Variants in SLC2A9 observed in about 807,000 individuals in gnomAD.
SLC2A9 encodes the protein solute carrier family 2 member 9.
SLC2A9 carries 39 observed loss-of-function variants against 50.6 expected under a neutral mutation model. That is an observed-to-expected ratio of 0.77 (90% CI 0.60 to 1.01). The LOEUF (loss-of-function observed/expected upper bound fraction) is 1.01, where lower values mean the gene tolerates loss of function less well. Ranked by LOEUF, SLC2A9 falls within the 50% of genes least tolerant of loss-of-function variation. The probability of loss-of-function intolerance (pLI) is 0.00; values close to 1 mark genes in which losing one functional copy is unlikely to be tolerated. For missense variants in SLC2A9, 686 were observed against 677.6 expected (o/e 1.01, Z -0.14); for synonymous variants, 324 against 276.9 (o/e 1.17, Z -1.69).
chr4:9,984,365 C>A (rs1240318280), intron 4 of SLC2A9, among the ~76,000 whole-genome samples: 1 of 152,104 alleles, frequency 6.6e-6, no homozygotes, highest in African/African-American at 2.4e-5. Context: ...AGGGAATTAG[C>A]CTTTAAGAAG....
intron 10 of SLC2A9, among the ~76,000 whole-genome samples, chr4:9,880,793 T>C (rs117076318): frequency 6.9e-4 from 105 of 152,320 alleles, no homozygotes; most frequent in East Asian, 6.4e-3. Context: ...TGACCTGCAC[T>C]TATCATAGTG....
upstream of SLC2A9, among the ~76,000 whole-genome samples, chr4:10,025,573 G>A (rs1560508119): frequency 6.6e-6 from 1 of 152,266 alleles, no homozygotes. Flanking sequence ...TAAGGGGTGG[G>A]TTTTAGTGTA....
intron 1 of SLC2A9, among the ~76,000 whole-genome samples, chr4:10,037,300 G>A (rs13139055): frequency 2.0e-5 from 3 of 151,888 alleles, no homozygotes; most frequent in African/African-American, 4.8e-5. Context: ...TTGCCTTTTC[G>A]GAACATTTCA....
rs189503321 is a variant in SLC2A9, at chr4:10,009,099, G to A, written c.249+9876C>T. 2.2e-3 allele frequency among the ~76,000 whole-genome samples: 328 copies of A among 152,220 alleles called. 1 individual carries two copies. Among genetic ancestry groups the A allele is most frequent in the African/African-American group, 7.5e-3 (313 of 41,548 alleles). ...TGCACAGGGTCCTCCTGTAATCTCA[G>A]CCCTCTTCCACCAAAGTCTTGAGCC... On this transcript the variant is annotated intron_variant, in intron 2 of 11. Transcript: ENST00000264784.
downstream of SLC2A9, among the ~76,000 whole-genome samples, chr4:9,795,006 C>CTTTT (rs1720415200): frequency 2.3e-5 from 1 of 43,020 alleles, no homozygotes; most frequent in South Asian, 6.1e-4. Context: ...ATTAACCCAT[C>CTTTT]CTTTTTTTTT....
chr4:9,949,357 G>A (rs1461745916), intron 5 of SLC2A9, among the ~76,000 whole-genome samples: 5 of 152,170 alleles, frequency 3.3e-5, no homozygotes, highest in East Asian at 1.9e-4. Flanking sequence ...TCCCTGAAAC[G>A]ACAGACACTC....
chr4:9,857,390 G>C (rs956790282), intron 10 of SLC2A9, among the ~76,000 whole-genome samples: 1 of 152,224 alleles, frequency 6.6e-6, no homozygotes, highest in Non-Finnish European at 1.5e-5. Context: ...GGGCCAGACA[G>C]TGTCTCAAAT....
At chr4:9,949,145 T>C (rs1379224921) in intron 5 of SLC2A9, among the ~76,000 whole-genome samples, 2 of 152,218 alleles carry the variant, frequency 1.3e-5, no homozygotes, top group Admixed American at 6.5e-5. Context: ...AAGCACTTGT[T>C]ATTCTGCATA....
chr4:9,932,118 T>TA (rs1746260886), intron 6 of SLC2A9, among the ~76,000 whole-genome samples: 1 of 150,540 alleles, frequency 6.6e-6, no homozygotes, highest in African/African-American at 2.5e-5. Flanking sequence ...ATTTCCCTTG[T>TA]AAAAATGGCA....
At chr4:9,905,084 C>T (rs1397180248) in intron 8 of SLC2A9, among the ~76,000 whole-genome samples, 1 of 152,224 alleles carries the variant, frequency 6.6e-6, no homozygotes, top group Admixed American at 6.5e-5. Context: ...TCCAGGTTTG[C>T]TTTTCTCTCT....
At chr4:9,897,795 C>T (rs969646081) in intron 8 of SLC2A9, among the ~76,000 whole-genome samples, 1 of 152,070 alleles carries the variant, frequency 6.6e-6, no homozygotes, top group African/African-American at 2.4e-5. Flanking sequence ...GAGGCTGAGG[C>T]AGGAGGGAGG....
intron 3 of SLC2A9, among the ~76,000 whole-genome samples, chr4:9,816,174 C>CATAA (rs34640947): frequency 0.58 from 86,018 of 149,008 alleles, 25,241 homozygotes; most frequent in Non-Finnish European, 0.64. Context: ...TGTCTCAAAA[C>CATAA]ATAAATAAAT....
At chr4:9,783,170 C>G in intron 3 of SLC2A9, 4 of 1,614,224 alleles carry the variant, frequency 2.5e-6, no homozygotes, top group Non-Finnish European at 3.4e-6. Flanking sequence ...CTTCTGCTCC[C>G]GCACGCCGGT....
At chr4:9,816,215 T>G (rs1044785133) in intron 3 of SLC2A9, among the ~76,000 whole-genome samples, 2 of 151,362 alleles carry the variant, frequency 1.3e-5, no homozygotes, top group Admixed American at 6.6e-5. Flanking sequence ...TTTCTAACAT[T>G]TTCTTCTCAC....
chr4:9,893,083 CT>C (rs1737830481), intron 8 of SLC2A9, among the ~76,000 whole-genome samples: 2 of 152,156 alleles, frequency 1.3e-5, no homozygotes, highest in Non-Finnish European at 2.9e-5. Flanking sequence ...CCTACAAAAT[CT>C]TTTCTGTTGT....
intron 5 of SLC2A9, among the ~76,000 whole-genome samples, chr4:9,950,716 ACCCTGTCTCT>A (rs1298035034): frequency 0.075 from 4,164 of 55,532 alleles, 445 homozygotes; most frequent in Middle Eastern, 0.12. Flanking sequence ...ACACGGTGAA[ACCCTGTCTCT>A]ACTAAAAATA....
intron 5 of SLC2A9, among the ~76,000 whole-genome samples, chr4:9,960,799 G>A (rs147835504): frequency 2.8e-4 from 42 of 152,324 alleles, no homozygotes; most frequent in Middle Eastern, 6.8e-3. Flanking sequence ...TGGGATGATA[G>A]TCAGCAGAAG....
At chr4:9,879,033 A>G (rs1019367698) in intron 10 of SLC2A9, 26 of 985,256 alleles carry the variant, frequency 2.6e-5, no homozygotes, top group Non-Finnish European at 3.1e-5. Context: ...TGAAAAATAC[A>G]AGCATTTATT....
chr4:10,027,376 C>T (rs1234367216), intron 1 of SLC2A9, among the ~76,000 whole-genome samples: 4 of 152,168 alleles, frequency 2.6e-5, no homozygotes, highest in African/African-American at 7.2e-5. Context: ...TTGATCCCGT[C>T]GCCTCCTGTT....
Sources: gnomAD v4.1 joint callset for allele counts (sites outside exome capture counted in the v4.1 genomes callset) on GRCh38, gnomAD v4.1.1 for gene constraint, MANE v1.5 for transcripts, NCBI Gene and HGNC (gene_info 2026-07-23, HGNC 2026-07-21) for gene names.